The following F7 variants were observed in gnomAD, a reference collection of about 807,000 sequenced individuals.
F7 encodes FVII coagulation protein.
A neutral mutation model predicts 47.5 loss-of-function variants in F7; 38 were observed. That is an observed-to-expected ratio of 0.80 (90% CI 0.62 to 1.05). The LOEUF (loss-of-function observed/expected upper bound fraction) is 1.05, where lower values mean the gene tolerates loss of function less well. Among genes scored for constraint, F7 ranks in the 50% least tolerant of loss-of-function variants. F7 has a pLI of 0.00. For missense variants in F7, 575 were observed against 605.4 expected (o/e 0.95, Z 0.53); for synonymous variants, 244 against 258.5 (o/e 0.94, Z 0.54).
At chr13:113,115,505 G>A (rs749421558) in intron 4 of F7, among the ~76,000 whole-genome samples, 155 bp from the exon 5 acceptor site, 1 of 152,166 alleles carries the variant, frequency 6.6e-6, no homozygotes, top group Non-Finnish European at 1.5e-5. Context: ...ATCAGTCCAC[G>A]GAGCAGGTGG....
rs2036277456 is a variant in F7, at chr13:113,120,064, C to G, written c.*1056C>G. The G allele has an allele frequency of 6.6e-6, 1 of 152,226 alleles. No homozygotes were observed. The highest frequency in any genetic ancestry group is 2.4e-5 in the African/African-American group (1 of 41,450). 9.4% of individuals were successfully genotyped at this position (152,226 alleles called of 1,614,324 possible). A position where few individuals can be genotyped will look rare whatever the true frequency, so the allele number is the denominator to read the frequency against. On this transcript the variant is annotated 3_prime_UTR_variant, in exon 8 of 8. Transcript: ENST00000346342. ...TGCCCATGATTCATTTTTGGAGCCC[C>G]CGGTGCTCATCCTCTGAGATGCTCT...
In F7 at chr13:113,118,535, C is replaced by T. The variant is rs974875997; in HGVS notation, c.862C>T (p.Gln288Ter). The change falls in exon 8 of 8, where the codon CAG (glutamine) becomes TAG (stop). Residue 288 changes from glutamine (Q) to a stop codon, truncating the protein, a stop_gained. Transcript: ENST00000346342. LOFTEE classifies it high-confidence loss of function. ...NHDIALLRLH[Q>*]PVVLTDHVVP... ...CGACATCGCGCTGCTCCGCCTGCACCAGCCCGTGGTCCTCACTGACCATGT... is the reference window on the plus strand; with the variant it reads ...CGACATCGCGCTGCTCCGCCTGCACTAGCCCGTGGTCCTCACTGACCATGT... The T allele has an allele frequency of 1.2e-6, 2 of 1,612,366 alleles. No individual in the cohort carries two copies. Among genetic ancestry groups the T allele is most frequent in the African/African-American group, 1.3e-5 (1 of 75,054 alleles).
Position 113,117,597 on chromosome 13 carries a change from G to A in F7, c.739+1G>A, listed in dbSNP as rs779658565. On this transcript the variant is annotated splice_donor_variant, in intron 7 of 7. Coordinates refer to ENST00000346342, the MANE Select transcript of F7 (RefSeq NM_019616.4). LOFTEE classifies it high-confidence loss of function. Reference sequence around the variant, plus strand: ...TGGAGGAACCTGATCGCGGTGCTGGGTGGGTACCACTCTCCCCTGTCCGAC... The same window carrying A: ...TGGAGGAACCTGATCGCGGTGCTGGATGGGTACCACTCTCCCCTGTCCGAC... 11 of 1,601,890 alleles carry A rather than the reference G, an allele frequency of 6.9e-6. No homozygotes were observed. The highest frequency in any genetic ancestry group is 6.7e-5 in the African/African-American group (5 of 74,750).
In F7 at chr13:113,117,475, C is replaced by G; in HGVS notation, c.618C>G (p.Val206=). 2.5e-6 allele frequency: 4 copies of G among 1,614,072 alleles called. No homozygotes were observed. The highest frequency in any genetic ancestry group is 3.4e-6 in the Non-Finnish European group (4 of 1,179,944). Reference sequence around the variant, plus strand: ...ACACCTCCTGTCCCCCCGCCCAGGTCCTGTTGTTGGTGAATGGAGCTCAGT... The same window carrying G: ...ACACCTCCTGTCCCCCCGCCCAGGTGCTGTTGTTGGTGAATGGAGCTCAGT... ...VCPKGECPWQ[V]LLLVNGAQLC... The change falls in exon 7 of 8, where the codon GTC becomes GTG. Residue 206 remains valine, a splice_region_variant and synonymous_variant. Transcript: ENST00000346342.
rs1397694992 is a variant in F7, at chr13:113,116,665, G to A, written c.506-101G>A. ...GCTCCTGGGGGCCTCCCATAGCCTC[G>A]GCCTCAAGGCCTCTCAGAGGATGGG... On this transcript the variant is annotated intron_variant, in intron 5 of 7. Transcript: ENST00000346342. 22 of 979,806 alleles carry A rather than the reference G, an allele frequency of 2.2e-5. No individual in the cohort carries two copies. In the South Asian group the frequency reaches 2.4e-4, roughly 11 times the overall value. The allele number at this position is 979,806 out of a possible 1,614,324, so 60.7% of individuals were successfully genotyped here.
chr13:113,114,058 G>A (rs1189303601), intron 4 of F7, 98 bp downstream of exon 4: 3 of 1,321,708 alleles, frequency 2.3e-6, no homozygotes, highest in East Asian at 2.4e-5. Flanking sequence ...ACCTGGTGGG[G>A]TGTGTAGGCC....
rs141451269 is a variant in F7 at position 113,113,049 on chromosome 13, C to CATT, written c.226-701_226-700insTAT. On this transcript the variant is annotated intron_variant, in intron 2 of 7. Transcript: ENST00000346342. This position sits in a 1 kb window ranked among gnomAD's most constrained non-coding sequence, Gnocchi z 4.1. Reference sequence around the variant, plus strand: ...TCCCTCTCACAGGTCACCTTACACTCATCTCACACTCACAGGTCGCCACAC... The same window carrying CATT: ...TCCCTCTCACAGGTCACCTTACACTCATTATCTCACACTCACAGGTCGCCACAC... Among the ~76,000 whole-genome samples, 4,285 of 152,094 alleles carry CATT rather than the reference C, an allele frequency of 0.028. 215 individuals carry two copies. The highest frequency in any genetic ancestry group is 0.097 in the African/African-American group (4,026 of 41,448).
Position 113,118,272 on chromosome 13 carries a change from T to C in F7, c.740-141T>C, listed in dbSNP as rs1362614667. The C allele has an allele frequency of 3.2e-6, 3 of 931,970 alleles. No homozygotes were observed. The Admixed American group carries it at 7.9e-5, about 24-fold the overall frequency. The allele number at this position is 931,970 out of a possible 1,614,324, so 57.7% of individuals were successfully genotyped here. ...CACCTGGGGCAGGCTGGCCCCACCTTGGGGTTAGATGCAGGTCCCCTTGCC... is the reference window on the plus strand; with the variant it reads ...CACCTGGGGCAGGCTGGCCCCACCTCGGGGTTAGATGCAGGTCCCCTTGCC... On this transcript the variant is annotated intron_variant, in intron 7 of 7. Coordinates refer to ENST00000346342, the MANE Select transcript of F7 (RefSeq NM_019616.4).
At position 113,118,555 on chromosome 13, in the gene F7, C is replaced by A. The variant is rs755244480; in HGVS notation, c.882C>A (p.Asp294Glu). 5 of 1,612,530 alleles carry A rather than the reference C, an allele frequency of 3.1e-6. No individual in the cohort carries two copies. The East Asian group carries it at 6.7e-5, about 22-fold the overall frequency. ...TGCACCAGCCCGTGGTCCTCACTGACCATGTGGTGCCCCTCTGCCTGCCCG... is the reference window on the plus strand; with the variant it reads ...TGCACCAGCCCGTGGTCCTCACTGAACATGTGGTGCCCCTCTGCCTGCCCG... ...LRLHQPVVLTDHVVPLCLPER... is the reference protein window; with the variant it reads ...LRLHQPVVLTEHVVPLCLPER... Residue 294 changes from aspartate to glutamate, a missense_variant, in exon 8 of 8, where the codon GAC becomes GAA. By Grantham distance (45) the Asp-to-Glu change is conservative (BLOSUM62 2). Transcript: ENST00000346342.
rs778234014 is a variant in F7, at chr13:113,117,481, G to T, written c.624G>T (p.Leu208Phe). The change falls in exon 7 of 8, where the codon TTG (leucine) becomes TTT (phenylalanine). Residue 208 changes from leucine to phenylalanine, a missense_variant. By Grantham distance (22) the Leu-to-Phe change is conservative. Transcript: ENST00000346342. ...CCTGTCCCCCCGCCCAGGTCCTGTTGTTGGTGAATGGAGCTCAGTTGTGTG... is the reference window on the plus strand; with the variant it reads ...CCTGTCCCCCCGCCCAGGTCCTGTTTTTGGTGAATGGAGCTCAGTTGTGTG... ...PKGECPWQVL[L>F]LVNGAQLCGG... 9.3e-6 allele frequency: 15 copies of T among 1,614,014 alleles called. 1 individual carries two copies. In the Admixed American group the frequency reaches 2.0e-4, roughly 22 times the overall value.
Position 113,113,807 on chromosome 13 carries a change from G to A in F7, c.250+31G>A, listed in dbSNP as rs757650344. 7.4e-6 allele frequency: 12 copies of A among 1,614,058 alleles called. No individual in the cohort carries two copies. The South Asian group carries it at 1.2e-4, about 16-fold the overall frequency. ...TGGATGATCACCACCAGTCCTGCCT[G>A]CAACCCTTCTCAGCTTACTGACACC... is the stretch of plus-strand genomic sequence containing the variant. On this transcript the variant is annotated intron_variant, in intron 3 of 7. Transcript: ENST00000346342. This position sits in a 1 kb window ranked among gnomAD's most constrained non-coding sequence, Gnocchi z 4.1.
intron 7 of F7, among the ~76,000 whole-genome samples, chr13:113,117,808 C>T (rs758641161): frequency 8.5e-5 from 13 of 152,340 alleles, no homozygotes; most frequent in Middle Eastern, 3.4e-3. Context: ...CCTGTCTGAC[C>T]GCAGCTCTCA....
chr13:113,113,617 A>T lies in F7; in HGVS notation c.226-135A>T. ...GAAACCTACCTCAGCTCCAGAGGAA[A>T]GTCTGGCTTCCTGAGCCCACCCCGC... is the stretch of plus-strand genomic sequence containing the variant. On this transcript the variant is annotated intron_variant, in intron 2 of 7. Coordinates refer to ENST00000346342, the MANE Select transcript of F7 (RefSeq NM_019616.4). This position sits in a 1 kb window ranked among gnomAD's most constrained non-coding sequence, Gnocchi z 4.1. 2 of 850,882 alleles carry T rather than the reference A, an allele frequency of 2.4e-6. No individual in the cohort carries two copies. The highest frequency in any genetic ancestry group is 4.0e-6 in the Non-Finnish European group (2 of 494,840). The allele number at this position is 850,882 out of a possible 1,614,324, so 52.7% of individuals were successfully genotyped here. A position where few individuals can be genotyped will look rare whatever the true frequency, so the allele number is the denominator to read the frequency against.
At position 113,113,067 on chromosome 13, in the gene F7, C is replaced by G. The variant is rs1005430330; in HGVS notation, c.226-685C>G. On this transcript the variant is annotated intron_variant, in intron 2 of 7. Transcript: ENST00000346342. The surrounding 1 kb of genome is among the most constrained non-coding windows in gnomAD (Gnocchi z 4.1). ...TTACACTCATCTCACACTCACAGGT[C>G]GCCACACCTCACACTCACAGGATGC... Among the ~76,000 whole-genome samples, 1 of 151,770 alleles carries G rather than the reference C, an allele frequency of 6.6e-6. No individual in the cohort carries two copies. The highest frequency in any genetic ancestry group is 1.5e-5 in the Non-Finnish European group (1 of 67,926).
At chr13:113,110,056 T>C (rs944417963) in intron 1 of F7, among the ~76,000 whole-genome samples, 2 of 151,584 alleles carry the variant, frequency 1.3e-5, no homozygotes, top group Admixed American at 6.6e-5. Context: ...CCCAGGAGGA[T>C]CCGCGCGAGG....
intron 2 of F7, 84 bp downstream of exon 2, chr13:113,110,934 T>C: frequency 6.8e-7 from 1 of 1,461,034 alleles, no homozygotes; most frequent in Non-Finnish European, 9.2e-7. Context: ...TGCGTCTCTT[T>C]GGCTGCGGCT....
At chr13:113,116,442 A>G (rs1031813298) in intron 5 of F7, among the ~76,000 whole-genome samples, 2 of 152,240 alleles carry the variant, frequency 1.3e-5, no homozygotes, top group Non-Finnish European at 2.9e-5. Context: ...CTTCTACTAA[A>G]GTCAAACAAC....
In F7 at chr13:113,119,043, G is replaced by A. The variant is rs1046957942; in HGVS notation, c.*35G>A. ...CCTGGCCTGTGGAGAGAAAGCCAAG[G>A]CTGCGTCGAACTGTCCTGGCACCAA... On this transcript the variant is annotated 3_prime_UTR_variant, in exon 8 of 8. Coordinates refer to ENST00000346342, the MANE Select transcript of F7 (RefSeq NM_019616.4). 6.3e-7 allele frequency: 1 copy of A among 1,588,552 alleles called. No individual in the cohort carries two copies. Among genetic ancestry groups the A allele is most frequent in the East Asian group, 2.2e-5 (1 of 44,808 alleles).
rs1416571169 is a variant in F7 at position 113,116,745 on chromosome 13, TCTGA to T, written c.506-18_506-15del. The T allele has an allele frequency of 1.3e-6, 2 of 1,542,174 alleles. No individual in the cohort carries two copies. Among genetic ancestry groups the T allele is most frequent in the African/African-American group, 2.7e-5 (2 of 73,476 alleles). On this transcript the variant is annotated splice_polypyrimidine_tract_variant and intron_variant, in intron 5 of 7. Transcript: ENST00000346342. ...CATCCCTCACAAATCTCTGCATCTT[TCTGA>T]CTTTTGTTTTACACAGTTGAATATC...
Sources: allele counts gnomAD v4.1 joint callset (sites outside exome capture counted in the v4.1 genomes callset), GRCh38; gene constraint gnomAD v4.1.1; non-coding constraint Gnocchi (gnomAD v3.1); transcripts MANE v1.5; gene names NCBI Gene and HGNC (gene_info 2026-07-23, HGNC 2026-07-21).